CYTH1: variants seen among roughly 807,000 people sequenced by gnomAD.
The protein encoded by CYTH1 is cytohesin 1.
Under a neutral mutation model 61.8 loss-of-function variants are expected in CYTH1, and 18 were observed. That is an observed-to-expected ratio of 0.29 (90% CI 0.20 to 0.43). The LOEUF is 0.43. Ranked by LOEUF, CYTH1 falls within the 20% of genes least tolerant of loss-of-function variation. The pLI is 1.00. For missense variants in CYTH1, 336 were observed against 510.5 expected, an observed-to-expected ratio of 0.66 and a Z score of 3.29; for synonymous variants, 174 against 184.3, an observed-to-expected ratio of 0.94 and a Z score of 0.45.
At chr17:78,689,261 G>A (rs908530571) in intron 11 of CYTH1, among the ~76,000 whole-genome samples, 1 of 152,148 alleles carries the variant, frequency 6.6e-6, no homozygotes, top group Non-Finnish European at 1.5e-5. Context: ...ATAGAGTTCT[G>A]ATGAGTCTGC....
In CYTH1 at chr17:78,768,837, C is replaced by T. The variant is rs531385098; in HGVS notation, c.22+13365G>A. ...CTGCTTCCTTTCTCTCTCCCTTCCC[C>T]CTCTTGGCAAAAATAAAAAATAAAA... On this transcript the variant is annotated intron_variant, in intron 1 of 13. Coordinates refer to ENST00000446868, the MANE Select transcript of CYTH1 (RefSeq NM_004762.6). 7.1e-4 allele frequency among the ~76,000 whole-genome samples: 108 copies of T among 152,108 alleles called. 1 individual carries two copies. Among genetic ancestry groups the T allele is most frequent in the Admixed American group, 1.6e-3 (24 of 15,242 alleles).
intron 1 of CYTH1, among the ~76,000 whole-genome samples, chr17:78,711,340 A>AC (rs2093130640): frequency 6.7e-6 from 1 of 150,106 alleles, no homozygotes; most frequent in Non-Finnish European, 1.5e-5. Flanking sequence ...CACACACACC[A>AC]GACTTTCTAT....
chr17:78,712,655 T>C (rs1474228504), intron 1 of CYTH1, among the ~76,000 whole-genome samples: 1 of 151,772 alleles, frequency 6.6e-6, no homozygotes, highest in East Asian at 1.9e-4. Context: ...CAACTCTGTC[T>C]CAAAAATAAT....
At chr17:78,781,953 C>T (rs111368639) in intron 1 of CYTH1, among the ~76,000 whole-genome samples, 1 of 151,492 alleles carries the variant, frequency 6.6e-6, no homozygotes, top group Non-Finnish European at 1.5e-5. Flanking sequence ...GTGACCCCCG[C>T]CCCAGCCACC....
At chr17:78,676,600 T>C (rs2092702037) in intron 13 of CYTH1, 1 of 274,926 alleles carries the variant, frequency 3.6e-6, no homozygotes, top group Non-Finnish European at 7.1e-6. Context: ...ATAGCTGGCA[T>C]GGTAATGCAG....
rs966520906 is a variant in CYTH1 at position 78,700,819 on chromosome 17, C to T, written c.438-376G>A. On this transcript the variant is annotated intron_variant, in intron 6 of 13. Transcript: ENST00000446868. This position sits in a 1 kb window ranked among gnomAD's most constrained non-coding sequence, Gnocchi z 5.1. ...GGAGTACAGGTGTGAGCCACGGTGCCTGACCACTGCCAATGATTTTTTAAC... is the reference window on the plus strand; with the variant it reads ...GGAGTACAGGTGTGAGCCACGGTGCTTGACCACTGCCAATGATTTTTTAAC... 5.3e-5 allele frequency among the ~76,000 whole-genome samples: 8 copies of T among 152,158 alleles called. No homozygotes were observed. The highest frequency in any genetic ancestry group is 2.9e-5 in the Non-Finnish European group (2 of 68,030).
chr17:78,702,805 T>A (rs1174055012), intron 3 of CYTH1, among the ~76,000 whole-genome samples: 2 of 152,176 alleles, frequency 1.3e-5, no homozygotes. Flanking sequence ...ATTTGCTCCT[T>A]CTACCCTGGA....
chr17:78,718,111 T>C (rs1215876829), intron 1 of CYTH1, among the ~76,000 whole-genome samples: 1 of 151,906 alleles, frequency 6.6e-6, no homozygotes, highest in Non-Finnish European at 1.5e-5. Context: ...AAGGAGGTCA[T>C]TGCCATTTCC....
At chr17:78,677,430 T>C in intron 13 of CYTH1, 1 of 194,122 alleles carries the variant, frequency 5.2e-6, no homozygotes, top group Non-Finnish European at 1.1e-5. Flanking sequence ...CAACTCCCGC[T>C]TCCTCACATG....
chr17:78,677,347 G>A (rs2092711598), intron 13 of CYTH1: 1 of 249,774 alleles, frequency 4.0e-6, no homozygotes, highest in South Asian at 3.9e-5. Flanking sequence ...AGTGTCAGGC[G>A]ATGAGGGGGG....
chr17:78,734,996 C>CACGGCAT (rs2093314038), intron 1 of CYTH1, among the ~76,000 whole-genome samples: 1 of 152,130 alleles, frequency 6.6e-6, no homozygotes. Flanking sequence ...AAATGCCACT[C>CACGGCAT]TGTCTCTCAC....
chr17:78,680,209 C>G lies in CYTH1; in HGVS notation c.1099G>C (p.Glu367Gln), dbSNP rs1396102453. ...ISAPTPEEKE[E>Q]WIKCIKAAIS... ...ACTTACTTAATGCACTTAATCCACT[C>G]CTCCTTCTCCTCGGGCGTCGGAGCT... The change falls in exon 13 of 14, where the codon GAG becomes CAG. Residue 367 changes from glutamate to glutamine, a missense_variant. Coordinates refer to ENST00000446868, the MANE Select transcript of CYTH1 (RefSeq NM_004762.6). 1 of 1,614,074 alleles carries G rather than the reference C, an allele frequency of 6.2e-7. No individual in the cohort carries two copies. The highest frequency in any genetic ancestry group is 1.3e-5 in the African/African-American group (1 of 74,936).
At chr17:78,716,747 C>T (rs1020142835) in intron 1 of CYTH1, among the ~76,000 whole-genome samples, 1 of 152,100 alleles carries the variant, frequency 6.6e-6, no homozygotes, top group African/African-American at 2.4e-5. Context: ...CTCATGCTGC[C>T]CCGGACAGAA....
chr17:78,698,411 G>A, intron 8 of CYTH1, 31 bp from the exon 9 acceptor site: 9 of 1,530,846 alleles, frequency 5.9e-6, no homozygotes, highest in South Asian at 1.1e-5. Flanking sequence ...TTATGTCTCT[G>A]ATTCTAGAAA....
intron 1 of CYTH1, among the ~76,000 whole-genome samples, chr17:78,719,444 G>A (rs150721776): frequency 9.9e-5 from 15 of 152,228 alleles, no homozygotes; most frequent in Admixed American, 9.2e-4. Flanking sequence ...AAAAACAGTC[G>A]AGGAGTCAAA....
At chr17:78,745,351 G>C (rs1250871146) in intron 1 of CYTH1, among the ~76,000 whole-genome samples, 2 of 152,000 alleles carry the variant, frequency 1.3e-5, no homozygotes, top group East Asian at 3.9e-4. Context: ...ATGATGATAA[G>C]GTAAACAGAA....
chr17:78,681,188 C>G, intron 11 of CYTH1, 146 bp from the exon 12 acceptor site: 1 of 732,680 alleles, frequency 1.4e-6, no homozygotes, highest in Admixed American at 2.7e-5. Context: ...TCCTTACATT[C>G]TAAACAAGAA....
At chr17:78,689,359 C>T (rs1404551274) in intron 11 of CYTH1, among the ~76,000 whole-genome samples, 1 of 152,220 alleles carries the variant, frequency 6.6e-6, no homozygotes, top group Non-Finnish European at 1.5e-5. Flanking sequence ...CCAGCACTAG[C>T]ATCACTGCCT....
intron 11 of CYTH1, chr17:78,691,475 C>T (rs1282115984): frequency 6.6e-6 from 1 of 152,166 alleles, no homozygotes; most frequent in East Asian, 1.9e-4. Flanking sequence ...TACTTAAGCC[C>T]CATTTTGCTC....
Sources: gnomAD v4.1 joint callset for allele counts (sites outside exome capture counted in the v4.1 genomes callset) on GRCh38, gnomAD v4.1.1 for gene constraint, Gnocchi (gnomAD v3.1) non-coding constraint, MANE v1.5 for transcripts, NCBI Gene and HGNC (gene_info 2026-07-23, HGNC 2026-07-21) for gene names.